The following KIAA1328 variants were observed in gnomAD, a reference collection of about 807,000 sequenced individuals.
KIAA1328 encodes KIAA1328.
KIAA1328 carries 52 observed loss-of-function variants against 68.1 expected under a neutral mutation model. The observed-to-expected ratio is 0.76, with a 90% CI of 0.61 to 0.96. The LOEUF (loss-of-function observed/expected upper bound fraction) is 0.96, where lower values mean the gene tolerates loss of function less well. KIAA1328 is among the 40% of genes least tolerant of loss of function. KIAA1328 has a pLI of 0.00. For missense variants in KIAA1328, 641 were observed against 677.6 expected (o/e 0.95, Z 0.60); for synonymous variants, 232 against 239.4 (o/e 0.97, Z 0.28).
chr18:36,893,462 TTTTTGTG>T (rs2048764173), intron 5 of KIAA1328, among the ~76,000 whole-genome samples: 1 of 131,782 alleles, frequency 7.6e-6, no homozygotes, highest in Admixed American at 8.0e-5. Flanking sequence ...TGTGTGTGTG[TTTTTGTG>T]TGTGTGTGTG....
At chr18:36,894,498 A>T (rs72887035) in intron 5 of KIAA1328, among the ~76,000 whole-genome samples, 20,700 of 151,632 alleles carry the variant, frequency 0.14, 1,757 homozygotes, top group Admixed American at 0.18. Context: ...ATTCCATTAC[A>T]GTTGCCAGAT....
chr18:36,998,695 A>G (rs1056439060), intron 6 of KIAA1328, among the ~76,000 whole-genome samples: 13 of 152,194 alleles, frequency 8.5e-5, no homozygotes, highest in Admixed American at 3.9e-4. Flanking sequence ...AAGAAATCAT[A>G]CAGAGACTAC....
chr18:37,143,319 A>AT (rs763592691), intron 7 of KIAA1328, among the ~76,000 whole-genome samples: 2 of 152,020 alleles, frequency 1.3e-5, no homozygotes, highest in East Asian at 1.9e-4. Flanking sequence ...AGTCTTACAC[A>AT]TTTTTTGTGG....
At chr18:36,924,327 G>GCC (rs2050035160) in intron 5 of KIAA1328, among the ~76,000 whole-genome samples, 1 of 152,152 alleles carries the variant, frequency 6.6e-6, no homozygotes, top group African/African-American at 2.4e-5. Flanking sequence ...AAGTTGTCCA[G>GCC]ATGAGAGTGG....
At chr18:37,074,143 A>C (rs532639412) in intron 7 of KIAA1328, among the ~76,000 whole-genome samples, 69 of 152,308 alleles carry the variant, frequency 4.5e-4, no homozygotes, top group African/African-American at 1.5e-3. Flanking sequence ...ATTGTCTAAA[A>C]GTTTTTTGTC....
At chr18:37,105,710 G>C (rs1477256743) in intron 7 of KIAA1328, among the ~76,000 whole-genome samples, 1 of 151,250 alleles carries the variant, frequency 6.6e-6, no homozygotes, top group Non-Finnish European at 1.5e-5. Flanking sequence ...CAGATCACTT[G>C]AGGTCAGGAG....
At chr18:36,961,894 G>T (rs1250627337) in intron 6 of KIAA1328, among the ~76,000 whole-genome samples, 1 of 152,218 alleles carries the variant, frequency 6.6e-6, no homozygotes, top group Non-Finnish European at 1.5e-5. Context: ...ATGCTATGAA[G>T]AAACTGCATC....
chr18:37,098,709 T>C (rs1230826384), intron 7 of KIAA1328, among the ~76,000 whole-genome samples: 3 of 152,160 alleles, frequency 2.0e-5, no homozygotes, highest in Non-Finnish European at 4.4e-5. Flanking sequence ...GGTCCTGGAC[T>C]TTTTTTGGTT....
chr18:37,035,938 C>T (rs1336163279), intron 6 of KIAA1328, among the ~76,000 whole-genome samples: 1 of 152,146 alleles, frequency 6.6e-6, no homozygotes, highest in Non-Finnish European at 1.5e-5. Context: ...CTGTTCTCTT[C>T]CATTCCTTAC....
At chr18:37,104,490 A>G (rs1216981724) in intron 7 of KIAA1328, among the ~76,000 whole-genome samples, 1 of 152,190 alleles carries the variant, frequency 6.6e-6, no homozygotes, top group African/African-American at 2.4e-5. Context: ...TGCTAGTTAC[A>G]GGAGGCTGTG....
chr18:36,973,442 G>A (rs988731938), intron 6 of KIAA1328, among the ~76,000 whole-genome samples: 3 of 152,084 alleles, frequency 2.0e-5, no homozygotes, highest in Non-Finnish European at 2.9e-5. Context: ...CCTACACGTT[G>A]TGCACATGTA....
chr18:36,953,559 T>G (rs1279465011), intron 5 of KIAA1328, among the ~76,000 whole-genome samples: 1 of 151,820 alleles, frequency 6.6e-6, no homozygotes, highest in Non-Finnish European at 1.5e-5. Flanking sequence ...TTTTTCTGAG[T>G]GTCACGGGAA....
intron 6 of KIAA1328, among the ~76,000 whole-genome samples, chr18:37,042,970 C>T (rs1200425587): frequency 6.6e-6 from 1 of 151,900 alleles, no homozygotes; most frequent in East Asian, 1.9e-4. Context: ...CTCTATTAAT[C>T]TGTTTTTAAG....
intron 6 of KIAA1328, among the ~76,000 whole-genome samples, chr18:37,021,930 C>T (rs867999504): frequency 2.0e-5 from 3 of 152,018 alleles, no homozygotes; most frequent in Middle Eastern, 3.2e-3. Context: ...GTCCCAGCTA[C>T]TCAGGAGGCT....
At chr18:37,166,277 C>T (rs1311599569) in intron 8 of KIAA1328, among the ~76,000 whole-genome samples, 1 of 152,132 alleles carries the variant, frequency 6.6e-6, no homozygotes, top group Non-Finnish European at 1.5e-5. Context: ...AGAAAGGCTA[C>T]TGAAGCATTG....
At chr18:36,941,411 G>A (rs978127508) in intron 5 of KIAA1328, among the ~76,000 whole-genome samples, 3 of 151,932 alleles carry the variant, frequency 2.0e-5, no homozygotes, top group Admixed American at 1.3e-4. Flanking sequence ...CGTGGCCAAC[G>A]TGGTAAAACC....
intron 4 of KIAA1328, among the ~76,000 whole-genome samples, chr18:36,880,526 A>T (rs1038214185): frequency 6.6e-6 from 1 of 152,082 alleles, no homozygotes; most frequent in South Asian, 2.1e-4. Context: ...GCACATAAAA[A>T]TTTTACTTTT....
chr18:37,002,720 C>T (rs1025446601), intron 6 of KIAA1328, among the ~76,000 whole-genome samples: 4 of 151,934 alleles, frequency 2.6e-5, no homozygotes, highest in Non-Finnish European at 5.9e-5. Flanking sequence ...AAACATCCCA[C>T]GGTCATGGAT....
Position 36,834,337 on chromosome 18 carries a change from TC to T in KIAA1328, c.77del (p.Ser26Ter). The T allele has an allele frequency of 6.3e-7, 1 of 1,587,502 alleles. No homozygotes were observed. Among genetic ancestry groups the T allele is most frequent in the South Asian group, 1.2e-5 (1 of 83,202 alleles). On this transcript the variant is annotated frameshift_variant, in exon 2 of 10. Coordinates refer to ENST00000280020, the MANE Select transcript of KIAA1328 (RefSeq NM_020776.3). LOFTEE classifies it high-confidence loss of function. ...CTGCGTAGTTTCTGATGAAGAACAA[TC>T]AGTAGTATACGTTCCAGGTATGATT... ...WSRDFSDEEQ[S>X]VVYVPGISAE...
Sources: gnomAD v4.1 joint callset for allele counts (sites outside exome capture counted in the v4.1 genomes callset) on GRCh38, gnomAD v4.1.1 for gene constraint, MANE v1.5 for transcripts, NCBI Gene and HGNC (gene_info 2026-07-23, HGNC 2026-07-21) for gene names.